The following MYOM1 variants were observed in gnomAD, a reference collection of about 807,000 sequenced individuals.
The protein encoded by MYOM1 is myomesin-1.
Under a neutral mutation model 205.3 loss-of-function variants are expected in MYOM1, and 164 were observed. The ratio of observed to expected loss-of-function variants is 0.80; its 90% CI spans 0.70 to 0.91. The LOEUF (loss-of-function observed/expected upper bound fraction) is 0.91, where lower values mean the gene tolerates loss of function less well. Ranked by LOEUF, MYOM1 falls within the 40% of genes least tolerant of loss-of-function variation. MYOM1 has a pLI of 0.00. For missense variants in MYOM1, 2,011 were observed against 2,127.3 expected (o/e 0.95, Z 1.08); for synonymous variants, 772 against 789.4 (o/e 0.98, Z 0.37).
intron 9 of MYOM1, among the ~76,000 whole-genome samples, chr18:3,167,747 T>G (rs1412091661): frequency 6.6e-6 from 1 of 152,238 alleles, no homozygotes; most frequent in Non-Finnish European, 1.5e-5. Flanking sequence ...CAACTTGTTT[T>G]GATAGCTTCT....
chr18:3,136,704 T>G (rs907313159), intron 14 of MYOM1, among the ~76,000 whole-genome samples: 7 of 152,186 alleles, frequency 4.6e-5, no homozygotes, highest in African/African-American at 1.7e-4. Context: ...CATGAGCCAC[T>G]GCACCTGGCC....
the MYOM1 span, among the ~76,000 whole-genome samples, chr18:3,241,712 G>A: frequency 4.5e-4 from 69 of 152,300 alleles, no homozygotes; most frequent in Admixed American, 7.8e-4. Flanking sequence ...TGGATACACC[G>A]ACAACTTGCA....
intron 12 of MYOM1, among the ~76,000 whole-genome samples, chr18:3,151,255 T>C (rs1476600877): frequency 1.3e-5 from 2 of 151,658 alleles, no homozygotes; most frequent in East Asian, 3.9e-4. Flanking sequence ...GAGATATTAA[T>C]GCTCTAAGGG....
chr18:3,077,257 G>A (rs942309417), intron 34 of MYOM1, among the ~76,000 whole-genome samples: 2 of 151,902 alleles, frequency 1.3e-5, no homozygotes, highest in African/African-American at 2.4e-5. Flanking sequence ...GGGCTCAATC[G>A]ATCCCCCTGC....
chr18:3,127,303 ATATTTTTTTTTT>A (rs1426199397), intron 18 of MYOM1, among the ~76,000 whole-genome samples: 1,549 of 48,804 alleles, frequency 0.032, 43 homozygotes, highest in African/African-American at 0.12. Context: ...ATATATATAT[ATATTTTTTTTTT>A]TTTTTTTTTT....
At chr18:3,228,897 T>C in the MYOM1 span, among the ~76,000 whole-genome samples, 2 of 152,258 alleles carry the variant, frequency 1.3e-5, no homozygotes, top group Admixed American at 6.5e-5. This position sits in a 1 kb window ranked among gnomAD's most constrained non-coding sequence, Gnocchi z 4.5. Context: ...CAAGATGTTT[T>C]TGAGTTTCAT....
Position 3,135,594 on chromosome 18 carries a change from C to T in MYOM1, c.2162G>A (p.Gly721Asp). Residue 721 changes from glycine (G) to aspartate (D), a missense_variant, in exon 15 of 38, where the codon GGT becomes GAT. Coordinates refer to ENST00000356443, the MANE Select transcript of MYOM1 (RefSeq NM_003803.4). The surrounding 1 kb of genome is among the most constrained non-coding windows in gnomAD (Gnocchi z 4.1). ...CACCTCCGTTGCCTCTGAGGGCTCA[C>T]CAACTCCTGCAGAATTAGAACAGCG... The part of the protein sequence containing the change: ...RVRCSNSAGV[G>D]EPSEATEVTV... 2 of 1,613,856 alleles carry T rather than the reference C, an allele frequency of 1.2e-6. No individual in the cohort carries two copies. Among genetic ancestry groups the T allele is most frequent in the Non-Finnish European group, 1.7e-6 (2 of 1,179,862 alleles).
intron 22 of MYOM1, among the ~76,000 whole-genome samples, chr18:3,103,340 T>C (rs568906691): frequency 2.0e-5 from 3 of 152,230 alleles, no homozygotes; most frequent in South Asian, 2.1e-4. Context: ...TTTCAAGAGA[T>C]TCAGCTCTTT....
intron 23 of MYOM1, 145 bp downstream of exon 23, chr18:3,102,324 TTTAAG>T: frequency 2.3e-6 from 2 of 877,768 alleles, no homozygotes; most frequent in Non-Finnish European, 3.4e-6. Flanking sequence ...ATTTTTAAGG[TTTAAG>T]TTGGTTATTA....
At chr18:3,156,303 C>A (rs1422315547) in intron 10 of MYOM1, among the ~76,000 whole-genome samples, 1 of 152,280 alleles carries the variant, frequency 6.6e-6, no homozygotes, top group Non-Finnish European at 1.5e-5. Context: ...CAAACAAACA[C>A]TTTCTTTCCC....
rs868682427 is a variant in MYOM1 at position 3,078,262 on chromosome 18, G to A, written c.4648+917C>T. 7.5e-4 allele frequency among the ~76,000 whole-genome samples: 114 copies of A among 151,912 alleles called. 1 individual carries two copies. The Middle Eastern group carries it at 0.014, about 18-fold the overall frequency. On this transcript the variant is annotated intron_variant, in intron 34 of 37. Coordinates refer to ENST00000356443, the MANE Select transcript of MYOM1 (RefSeq NM_003803.4). ...TCACCATGTTGGCCAGGCTGGTGTC[G>A]AACTCCTGACCTCAGGTGATCCACC...
intron 11 of MYOM1, among the ~76,000 whole-genome samples, chr18:3,153,997 ATATAGACAAGAACT>A (rs2080256688): frequency 6.6e-6 from 1 of 152,234 alleles, no homozygotes; most frequent in Non-Finnish European, 1.5e-5. Flanking sequence ...GTTTTGGAGA[ATATAGACAAGAACT>A]TATAGATAGT....
Position 3,149,271 on chromosome 18 carries a change from T to G in MYOM1, c.1844-70A>C. On this transcript the variant is annotated intron_variant, in intron 12 of 37. Transcript: ENST00000356443. ...CAATTTATCAGCTGCACTGATGAAT[T>G]GGGAAAGTGGCCAGATTAGTCACAA... 3.0e-6 allele frequency: 4 copies of G among 1,324,580 alleles called. No individual in the cohort carries two copies. In the South Asian group the frequency reaches 5.1e-5, roughly 17 times the overall value. The allele number at this position is 1,324,580 out of a possible 1,614,324, so 82.1% of individuals were successfully genotyped here. A position where few individuals can be genotyped will look rare whatever the true frequency, so the allele number is the denominator to read the frequency against.
At chr18:3,149,316 A>C in intron 12 of MYOM1, 115 bp from the exon 13 acceptor site, 1 of 776,090 alleles carries the variant, frequency 1.3e-6, no homozygotes, top group Non-Finnish European at 2.1e-6. Flanking sequence ...TTACTAATAG[A>C]CTTATGTGTT....
rs200374196 is a variant in MYOM1, at chr18:3,151,804, C to A, written c.1733G>T (p.Arg578Leu). ...RFPVTGLIEGRSYIFRVRAVN... is the reference protein window; with the variant it reads ...RFPVTGLIEGLSYIFRVRAVN... Reference sequence around the variant, plus strand: ...AGCTCGAACTCGGAAGATATAGGAACGACCTTCGATCAATCCAGTGACAGG... The same window carrying A: ...AGCTCGAACTCGGAAGATATAGGAAAGACCTTCGATCAATCCAGTGACAGG... Residue 578 changes from arginine to leucine, a missense_variant, in exon 12 of 38, where the codon CGT (arginine) becomes CTT (leucine). Arg to Leu is a moderately radical substitution (Grantham distance 102). Coordinates refer to ENST00000356443, the MANE Select transcript of MYOM1 (RefSeq NM_003803.4). The A allele has an allele frequency of 6.4e-5, 104 of 1,613,880 alleles. No homozygotes were observed. The African/African-American group carries it at 1.1e-3, about 18-fold the overall frequency.
chr18:3,145,309 C>CAAA (rs543810626), intron 13 of MYOM1, among the ~76,000 whole-genome samples: 1 of 124,636 alleles, frequency 8.0e-6, no homozygotes. Flanking sequence ...GACTCCATCT[C>CAAA]AAAAAAAAAA....
At chr18:3,146,337 A>T (rs2080122618) in intron 13 of MYOM1, among the ~76,000 whole-genome samples, 2 of 152,146 alleles carry the variant, frequency 1.3e-5, no homozygotes, top group Non-Finnish European at 2.9e-5. Flanking sequence ...ATAGACACAA[A>T]AATTCCTTTA....
In MYOM1 at chr18:3,152,008, G is replaced by C. The variant is rs947006160; in HGVS notation, c.1644-115C>G. ...GATCTTCTCCCTATAAAATATCCAA[G>C]TCAGGCGTGGCTCGCTACCTGGTGA... On this transcript the variant is annotated intron_variant, in intron 11 of 37. Coordinates refer to ENST00000356443, the MANE Select transcript of MYOM1 (RefSeq NM_003803.4). This position sits in a 1 kb window ranked among gnomAD's most constrained non-coding sequence, Gnocchi z 4.3. 4.6e-6 allele frequency: 5 copies of C among 1,095,608 alleles called. No individual in the cohort carries two copies. The highest frequency in any genetic ancestry group is 2.1e-4 in the Middle Eastern group (1 of 4,782). The allele number at this position is 1,095,608 out of a possible 1,614,324, so 67.9% of individuals were successfully genotyped here.
Position 3,202,243 on chromosome 18 carries a change from A to C in MYOM1, c.291-8285T>G, listed in dbSNP as rs530448962. Among the ~76,000 whole-genome samples the C allele has an allele frequency of 2.6e-4, 39 of 152,350 alleles. 1 individual carries two copies. The highest frequency in any genetic ancestry group is 2.2e-3 in the Admixed American group (33 of 15,302). Reference sequence around the variant, plus strand: ...TTAAAACAATACACTAAAAAGGTCCATTTAATACAAAATAAGGCAATAAAG... The same window carrying C: ...TTAAAACAATACACTAAAAAGGTCCCTTTAATACAAAATAAGGCAATAAAG... On this transcript the variant is annotated intron_variant, in intron 2 of 37. Coordinates refer to ENST00000356443, the MANE Select transcript of MYOM1 (RefSeq NM_003803.4).
Sources: allele counts gnomAD v4.1 joint callset (sites outside exome capture counted in the v4.1 genomes callset), GRCh38; gene constraint gnomAD v4.1.1; non-coding constraint Gnocchi (gnomAD v3.1); transcripts MANE v1.5; gene names NCBI Gene and HGNC (gene_info 2026-07-23, HGNC 2026-07-21).